The following ASTN1 variants were observed in gnomAD, a reference collection of about 807,000 sequenced individuals.
ASTN1 encodes astrotactin 1, also known as astrotactin-1.
Under a neutral mutation model 140.7 loss-of-function variants are expected in ASTN1, and 41 were observed. The observed-to-expected ratio is 0.29, with a 90% confidence interval of 0.23 to 0.38. The LOEUF is 0.38. Among genes scored for constraint, ASTN1 ranks in the 10% least tolerant of loss-of-function variants. The pLI is 1.00. For synonymous variants in ASTN1, 640 were observed against 652.2 expected, an observed-to-expected ratio of 0.98 and a Z score of 0.29; for missense variants, 1,479 against 1,678.8, an observed-to-expected ratio of 0.88 and a Z score of 2.08.
chr1:177,088,648 T>A lies in ASTN1; in HGVS notation c.284-27383A>T, dbSNP rs957405533. On this transcript the variant is annotated intron_variant, in intron 1 of 22. Transcript: ENST00000361833. ...ATACTACTTTAAAAATTATATTAAATATATTTAAAAACATGGCATGCTCAT... is the reference window on the plus strand; with the variant it reads ...ATACTACTTTAAAAATTATATTAAAAATATTTAAAAACATGGCATGCTCAT... 3.3e-5 allele frequency among the ~76,000 whole-genome samples: 5 copies of A among 152,254 alleles called. No homozygotes were observed. The East Asian group carries it at 9.7e-4, about 29-fold the overall frequency.
At chr1:177,014,766 G>A (rs1316114374) in intron 8 of ASTN1, 25 bp downstream of exon 8, 1 of 1,592,444 alleles carries the variant, frequency 6.3e-7, no homozygotes, top group Non-Finnish European at 8.6e-7. Flanking sequence ...GTGGGAACCA[G>A]CTAAGTCGTC....
Position 176,901,921 on chromosome 1 carries a change from G to A in ASTN1, c.2672-7091C>T, listed in dbSNP as rs142870909. Among the ~76,000 whole-genome samples, 75 of 152,334 alleles carry A rather than the reference G, an allele frequency of 4.9e-4. 1 individual carries two copies. Among genetic ancestry groups the A allele is most frequent in the African/African-American group, 1.7e-3 (72 of 41,582 alleles). ...ACAAATCTTTTGTCAGAATGTACCA[G>A]TACTTTTTGTTCCAAAATTAAGGTT... On this transcript the variant is annotated intron_variant, in intron 16 of 22. Transcript: ENST00000361833.
At chr1:177,111,751 T>C (rs1385104806) in intron 1 of ASTN1, among the ~76,000 whole-genome samples, 2 of 152,110 alleles carry the variant, frequency 1.3e-5, no homozygotes, top group African/African-American at 2.4e-5. Flanking sequence ...TTTGCAAACA[T>C]CTAGACAACT....
chr1:176,913,305 C>T (rs1318866416), intron 16 of ASTN1, among the ~76,000 whole-genome samples: 5 of 152,110 alleles, frequency 3.3e-5, no homozygotes, highest in Non-Finnish European at 1.5e-5. Flanking sequence ...CTAAAATGTC[C>T]TTTATACTGT....
intron 7 of ASTN1, among the ~76,000 whole-genome samples, chr1:177,020,793 C>T (rs1675784585): frequency 6.6e-6 from 1 of 152,144 alleles, no homozygotes; most frequent in African/African-American, 2.4e-5. Context: ...AGGAAGGATG[C>T]CTGAGGAGAG....
chr1:177,011,458 T>C (rs1300355110), intron 8 of ASTN1, among the ~76,000 whole-genome samples: 1 of 152,082 alleles, frequency 6.6e-6, no homozygotes, highest in African/African-American at 2.4e-5. Flanking sequence ...TGGACCATAA[T>C]AGGTAATGGG....
chr1:177,002,416 CAT>C (rs1269340977), intron 8 of ASTN1, among the ~76,000 whole-genome samples: 9 of 147,892 alleles, frequency 6.1e-5, no homozygotes, highest in Admixed American at 2.0e-4. Flanking sequence ...CACACACACA[CAT>C]GAACAAATCA....
At chr1:176,938,574 T>C (rs1571538498) in intron 14 of ASTN1, among the ~76,000 whole-genome samples, 1 of 152,230 alleles carries the variant, frequency 6.6e-6, no homozygotes, top group African/African-American at 2.4e-5. Flanking sequence ...TCTCGCAACC[T>C]AACTATCCTC....
chr1:176,926,028 C>T (rs1236000977), intron 16 of ASTN1, among the ~76,000 whole-genome samples: 4 of 152,008 alleles, frequency 2.6e-5, no homozygotes, highest in Non-Finnish European at 4.4e-5. Flanking sequence ...AGGATGGTCT[C>T]GATCTTCTGA....
intron 1 of ASTN1, among the ~76,000 whole-genome samples, chr1:177,070,812 G>A (rs1461227349): frequency 1.3e-5 from 2 of 152,120 alleles, no homozygotes; most frequent in Non-Finnish European, 2.9e-5. Flanking sequence ...TAAGGCCACT[G>A]TTGTTTTTCA....
chr1:177,152,028 T>C (rs539957261), intron 1 of ASTN1, among the ~76,000 whole-genome samples: 5 of 152,152 alleles, frequency 3.3e-5, no homozygotes, highest in African/African-American at 1.2e-4. Context: ...GGAGAGGGCA[T>C]ATGGGAAAGA....
intron 1 of ASTN1, among the ~76,000 whole-genome samples, chr1:177,130,316 C>A (rs569872702): frequency 6.6e-6 from 1 of 152,178 alleles, no homozygotes; most frequent in South Asian, 2.1e-4. Context: ...AGGATATCCT[C>A]CCAGAGTAGT....
At chr1:176,945,525 C>T (rs1241599737) in intron 13 of ASTN1, among the ~76,000 whole-genome samples, 1 of 152,118 alleles carries the variant, frequency 6.6e-6, no homozygotes, top group Non-Finnish European at 1.5e-5. Flanking sequence ...AAGGCAGGAC[C>T]TTGGATATGC....
intron 1 of ASTN1, among the ~76,000 whole-genome samples, chr1:177,107,466 C>T (rs982203399): frequency 1.3e-5 from 2 of 152,172 alleles, no homozygotes; most frequent in African/African-American, 4.8e-5. Context: ...TCCAGGATTG[C>T]CACCCACTTT....
At chr1:177,003,088 A>G (rs1020372388) in intron 8 of ASTN1, among the ~76,000 whole-genome samples, 3 of 152,202 alleles carry the variant, frequency 2.0e-5, no homozygotes, top group Non-Finnish European at 2.9e-5. Context: ...AATTCCACTG[A>G]AACTATTCCA....
chr1:177,083,137 C>A (rs568094413), intron 1 of ASTN1, among the ~76,000 whole-genome samples: 3 of 151,772 alleles, frequency 2.0e-5, no homozygotes, highest in Admixed American at 6.6e-5. Flanking sequence ...ACATTTGTAC[C>A]GAGAGGCAAG....
rs267598198 is a variant in ASTN1 at position 177,029,688 on chromosome 1, C to T, written c.1066G>A (p.Asp356Asn). The T allele has an allele frequency of 4.3e-6, 7 of 1,613,710 alleles. No individual in the cohort carries two copies. Among genetic ancestry groups the T allele is most frequent in the East Asian group, 4.5e-5 (2 of 44,872 alleles). Residue 356 changes from aspartate to asparagine, a missense_variant, in exon 5 of 23, where the codon GAC (aspartate) becomes AAC (asparagine). By Grantham distance (23) the Asp-to-Asn change is conservative. Around this residue, in one of 3 missense-constraint regions of ASTN1, gnomAD observed 729 missense variants for 860.4 expected, o/e 0.85. Transcript: ENST00000361833. ...EGDSGTEAENDPQLTFYTDPS... is the reference protein window; with the variant it reads ...EGDSGTEAENNPQLTFYTDPS... Reference sequence around the variant, plus strand: ...TCCGTGTAAAAGGTCAGCTGGGGGTCGTTTTCTGCCTCTGTGCCAGAATCC... The same window carrying T: ...TCCGTGTAAAAGGTCAGCTGGGGGTTGTTTTCTGCCTCTGTGCCAGAATCC...
Position 177,023,487 on chromosome 1 carries a change from T to G in ASTN1, c.1355A>C (p.Gln452Pro). ...CATGGCCCAGGGTCCGCTGGAGTTC[T>G]GCTGAGAGAAGAGAACCACTTGGGC... ...NPAQVVLFSQ[Q>P]NSSGPWAMDL... The change falls in exon 7 of 23, where the codon CAG becomes CCG. Residue 452 changes from glutamine to proline, a missense_variant. Physicochemically the swap from Gln to Pro is moderately conservative, Grantham distance 76 (BLOSUM62 -1). This residue lies in a region of ASTN1 where 729 missense variants were observed against 860.4 expected (regional missense o/e 0.85). Coordinates refer to ENST00000361833, the MANE Select transcript of ASTN1 (RefSeq NM_004319.3). The G allele has an allele frequency of 6.2e-7, 1 of 1,612,872 alleles. No homozygotes were observed. Among genetic ancestry groups the G allele is most frequent in the Non-Finnish European group, 8.5e-7 (1 of 1,179,534 alleles).
At chr1:176,941,652 C>T (rs1026266607) in intron 14 of ASTN1, among the ~76,000 whole-genome samples, 1 of 152,116 alleles carries the variant, frequency 6.6e-6, no homozygotes, top group African/African-American at 2.4e-5. Context: ...CTTTATCCAC[C>T]CTCTCCTCCC....
Sources: gnomAD v4.1 joint callset for allele counts (sites outside exome capture counted in the v4.1 genomes callset) on GRCh38, gnomAD v4.1.1 for gene constraint, gnomAD v4.1.1 regional missense constraint, MANE v1.5 for transcripts, NCBI Gene and HGNC (gene_info 2026-07-23, HGNC 2026-07-21) for gene names.